MACROD2: variants seen among roughly 807,000 people sequenced by gnomAD.
MACROD2 encodes mono-ADP ribosylhydrolase 2.
A neutral mutation model predicts 70.4 loss-of-function variants in MACROD2; 36 were observed. The observed-to-expected ratio is 0.51, with a 90% CI of 0.39 to 0.68. MACROD2 has a LOEUF of 0.68. MACROD2 is among the 30% of genes least tolerant of loss of function. The pLI, the probability that MACROD2 is intolerant of heterozygous loss-of-function variation, is 0.00. For synonymous variants in MACROD2, 172 were observed against 178.8 expected (o/e 0.96, Z 0.30); for missense variants, 496 against 538.4 (o/e 0.92, Z 0.78).
chr20:15,230,708 A>G (rs963064700), intron 6 of MACROD2, among the ~76,000 whole-genome samples: 1 of 152,110 alleles, frequency 6.6e-6, no homozygotes. Flanking sequence ...TTTCCTTACC[A>G]GTAGGCTGAG....
At chr20:14,465,571 T>A (rs918536661) in intron 3 of MACROD2, among the ~76,000 whole-genome samples, 1 of 152,102 alleles carries the variant, frequency 6.6e-6, no homozygotes, top group Non-Finnish European at 1.5e-5. Flanking sequence ...TTTGATCCTG[T>A]CATTATGATG....
chr20:15,916,948 C>T (rs1362644169), intron 10 of MACROD2, among the ~76,000 whole-genome samples: 1 of 151,978 alleles, frequency 6.6e-6, no homozygotes, highest in East Asian at 1.9e-4. Context: ...ATATTTTTGG[C>T]TTTGTGGGCC....
At chr20:14,489,434 G>C (rs541808818) in intron 3 of MACROD2, among the ~76,000 whole-genome samples, 10 of 152,300 alleles carry the variant, frequency 6.6e-5, no homozygotes, top group Non-Finnish European at 1.5e-4. Flanking sequence ...TACTTAAAGA[G>C]CTTCAAACTC....
intron 3 of MACROD2, among the ~76,000 whole-genome samples, chr20:14,448,782 T>C (rs902229045): frequency 1.2e-5 from 1 of 83,410 alleles, no homozygotes; most frequent in Non-Finnish European, 2.9e-5. Flanking sequence ...ATGCAGTGCG[T>C]TGATTGTGCT....
At chr20:14,772,853 A>G (rs2072186847) in intron 5 of MACROD2, among the ~76,000 whole-genome samples, 1 of 152,104 alleles carries the variant, frequency 6.6e-6, no homozygotes, top group African/African-American at 2.4e-5. Context: ...AGTTTCTGGT[A>G]AAAGAAAAAC....
At chr20:15,315,881 G>T (rs1033520135) in intron 6 of MACROD2, among the ~76,000 whole-genome samples, 1 of 152,044 alleles carries the variant, frequency 6.6e-6, no homozygotes, top group Non-Finnish European at 1.5e-5. Context: ...ATGGTTAATT[G>T]CCTCACAGTG....
At chr20:15,555,853 A>G (rs1389125811) in intron 8 of MACROD2, among the ~76,000 whole-genome samples, 2 of 132,172 alleles carry the variant, frequency 1.5e-5, no homozygotes, top group African/African-American at 6.9e-5. Flanking sequence ...AAAAAAAAAA[A>G]AGGAAAAGAA....
rs970665406 is a variant in MACROD2 at position 15,055,578 on chromosome 20, A to G, written c.419-174362A>G. On this transcript the variant is annotated intron_variant, in intron 5 of 17. Coordinates refer to ENST00000684519, the MANE Select transcript of MACROD2 (RefSeq NM_001351661.2). The stretch of plus-strand genomic sequence containing the variant: ...AGCGGAGAACAAATACATGACAGGA[A>G]GGTAAATTGGGAGGCGGGGATGGGA... 2.0e-5 allele frequency among the ~76,000 whole-genome samples: 3 copies of G among 152,206 alleles called. No individual in the cohort carries two copies. The East Asian group carries it at 5.8e-4, about 29-fold the overall frequency.
intron 8 of MACROD2, among the ~76,000 whole-genome samples, chr20:15,862,323 A>G (rs2064435160): frequency 6.6e-6 from 1 of 152,228 alleles, no homozygotes. Context: ...ATATTTGTCT[A>G]GCAAGAGTAG....
chr20:14,127,238 T>G (rs151132420), intron 3 of MACROD2, among the ~76,000 whole-genome samples: 215 of 152,302 alleles, frequency 1.4e-3, no homozygotes, highest in African/African-American at 5.0e-3. Flanking sequence ...AGCCACAATA[T>G]TCCCTTATGC....
At chr20:14,702,707 GTGTGTATATATA>G (rs2071221360) in intron 5 of MACROD2, among the ~76,000 whole-genome samples, 1 of 138,140 alleles carries the variant, frequency 7.2e-6, no homozygotes, top group South Asian at 2.2e-4. Context: ...GTATATATAT[GTGTGTATATATA>G]TGTGTATATA....
rs567114364 is a variant in MACROD2 at position 15,807,215 on chromosome 20, G to C, written c.646-55530G>C. Among the ~76,000 whole-genome samples the C allele has an allele frequency of 3.3e-5, 5 of 152,280 alleles. No individual in the cohort carries two copies. The East Asian group carries it at 9.6e-4, about 29-fold the overall frequency. ...CCACCAATAACCAAGCTCCAACTAC[G>C]ACATAGGTCCCAGGAGTCTTAGGTA... is the stretch of plus-strand genomic sequence containing the variant. On this transcript the variant is annotated intron_variant, in intron 8 of 17. Coordinates refer to ENST00000684519, the MANE Select transcript of MACROD2 (RefSeq NM_001351661.2).
At chr20:14,528,689 G>T (rs780859739) in intron 4 of MACROD2, among the ~76,000 whole-genome samples, 1 of 151,828 alleles carries the variant, frequency 6.6e-6, no homozygotes, top group South Asian at 2.1e-4. Context: ...AACATTTCTC[G>T]ATCTCATTTG....
intron 3 of MACROD2, among the ~76,000 whole-genome samples, chr20:14,375,279 A>G (rs1201233299): frequency 1.3e-5 from 2 of 152,160 alleles, no homozygotes; most frequent in African/African-American, 2.4e-5. Context: ...ATATTTAAGC[A>G]AAAACAATCA....
At chr20:14,610,926 G>A (rs1983119901) in intron 4 of MACROD2, among the ~76,000 whole-genome samples, 1 of 152,008 alleles carries the variant, frequency 6.6e-6, no homozygotes, top group Non-Finnish European at 1.5e-5. Context: ...ATAAAGACAA[G>A]GTACAGTTAA....
At chr20:14,029,761 A>C (rs2053224161) in intron 2 of MACROD2, among the ~76,000 whole-genome samples, 1 of 152,166 alleles carries the variant, frequency 6.6e-6, no homozygotes, top group Admixed American at 6.5e-5. Flanking sequence ...TGTTTTTCTG[A>C]CTATTGATAT....
Position 15,331,101 on chromosome 20 carries a change from T to A in MACROD2, c.541-100304T>A, listed in dbSNP as rs1465203333. ...TTAATATTTAATTGTCTAAGCCAGA[T>A]GCAGTAACACATGCGAATGTGTTCA... On this transcript the variant is annotated intron_variant, in intron 6 of 17. Coordinates refer to ENST00000684519, the MANE Select transcript of MACROD2 (RefSeq NM_001351661.2). Among the ~76,000 whole-genome samples, 7 of 151,716 alleles carry A rather than the reference T, an allele frequency of 4.6e-5. 1 individual carries two copies. Among genetic ancestry groups the A allele is most frequent in the Admixed American group, 3.9e-4 (6 of 15,222 alleles).
chr20:15,888,142 T>C (rs2064845057), intron 10 of MACROD2, among the ~76,000 whole-genome samples: 2 of 152,112 alleles, frequency 1.3e-5, no homozygotes, highest in African/African-American at 4.8e-5. Flanking sequence ...CTCAAACCCT[T>C]CTATGTTTAC....
chr20:15,303,028 G>A (rs1377948405), intron 6 of MACROD2, among the ~76,000 whole-genome samples: 1 of 152,172 alleles, frequency 6.6e-6, no homozygotes, highest in Admixed American at 6.5e-5. Flanking sequence ...CCTGGCACAA[G>A]TGACATGCTT....
Sources: gnomAD v4.1 joint callset for allele counts (sites outside exome capture counted in the v4.1 genomes callset) on GRCh38, gnomAD v4.1.1 for gene constraint, MANE v1.5 for transcripts, NCBI Gene and HGNC (gene_info 2026-07-23, HGNC 2026-07-21) for gene names.